Variants in THTPA observed in about 807,000 individuals in gnomAD.
The protein encoded by THTPA is thiamine-triphosphatase.
Under a neutral mutation model 16.5 loss-of-function variants are expected in THTPA, and 16 were observed. The observed-to-expected ratio is 0.97, with a 90% CI of 0.66 to 1.47. The LOEUF (loss-of-function observed/expected upper bound fraction) is 1.47, where lower values mean the gene tolerates loss of function less well. Ranked by LOEUF, THTPA falls within the 40% of genes most tolerant of loss-of-function variation. The probability of loss-of-function intolerance (pLI) is 0.00; values close to 1 mark genes in which losing one functional copy is unlikely to be tolerated. For synonymous variants in THTPA, 110 were observed against 115.5 expected, an observed-to-expected ratio of 0.95 and a Z score of 0.30; for missense variants, 281 against 280.9, an observed-to-expected ratio of 1.00 and a Z score of 0.00.
chr14:23,552,883 T>C (rs1882081841), upstream of THTPA, among the ~76,000 whole-genome samples: 1 of 152,164 alleles, frequency 6.6e-6, no homozygotes, highest in Admixed American at 6.5e-5. Flanking sequence ...ATTATAGGGG[T>C]GATCCACCTC....
chr14:23,549,653 G>C, the THTPA span, among the ~76,000 whole-genome samples: 1 of 152,184 alleles, frequency 6.6e-6, no homozygotes, highest in Non-Finnish European at 1.5e-5. Context: ...TGAAGGATGG[G>C]GGGCAACCAG....
chr14:23,551,887 C>G (rs921461590), upstream of THTPA, among the ~76,000 whole-genome samples: 1 of 152,164 alleles, frequency 6.6e-6, no homozygotes, highest in Non-Finnish European at 1.5e-5. The surrounding 1 kb of genome is among the most constrained non-coding windows in gnomAD (Gnocchi z 5.3). Flanking sequence ...GACCCAGGGC[C>G]GGGGGCAGGC....
chr14:23,536,043 A>G, the THTPA span, among the ~76,000 whole-genome samples: 10 of 152,182 alleles, frequency 6.6e-5, no homozygotes, highest in Admixed American at 2.0e-4. Context: ...AGCAACTTCT[A>G]AAACATGTCA....
chr14:23,549,214 G>C, the THTPA span, among the ~76,000 whole-genome samples: 1 of 151,830 alleles, frequency 6.6e-6, no homozygotes, highest in South Asian at 2.1e-4. Flanking sequence ...ATCACCCCTT[G>C]GTTCCTCCCC....
the THTPA span, among the ~76,000 whole-genome samples, chr14:23,520,337 G>C: frequency 6.6e-6 from 1 of 151,912 alleles, no homozygotes; most frequent in Non-Finnish European, 1.5e-5. The surrounding 1 kb of genome is among the most constrained non-coding windows in gnomAD (Gnocchi z 8.7). Context: ...AGAGGACAAG[G>C]GGGAAGAAAA....
At chr14:23,542,482 G>A in the THTPA span, among the ~76,000 whole-genome samples, 1 of 152,220 alleles carries the variant, frequency 6.6e-6, no homozygotes, top group African/African-American at 2.4e-5. Flanking sequence ...AGTGTTGGAT[G>A]TGTTAGGACA....
the THTPA span, among the ~76,000 whole-genome samples, chr14:23,519,239 C>G: frequency 6.6e-6 from 1 of 152,164 alleles, no homozygotes; most frequent in East Asian, 1.9e-4. Context: ...CCTTAAGATA[C>G]AGCACACCAC....
chr14:23,523,281 G>C, the THTPA span: 8 of 1,438,444 alleles, frequency 5.6e-6, no homozygotes, highest in Non-Finnish European at 7.3e-6. The surrounding 1 kb of genome is among the most constrained non-coding windows in gnomAD (Gnocchi z 4.1). Context: ...GCCAGGCGAG[G>C]CAAGGTTGGG....
chr14:23,531,664 G>A, the THTPA span: 30 of 1,496,506 alleles, frequency 2.0e-5, no homozygotes, highest in African/African-American at 4.1e-4. Flanking sequence ...GCACACAACA[G>A]GCAGTGGTAT....
Position 23,560,179 on chromosome 14 carries a change from C to G in THTPA, c.*1339C>G, listed in dbSNP as rs1166515369. 1 of 1,560,178 alleles carries G rather than the reference C, an allele frequency of 6.4e-7. No individual in the cohort carries two copies. ...GACTCAATCCCATCTCACACTGTCT[C>G]CCACCCACCTCCTCCACTTAGTGGC... is the stretch of plus-strand genomic sequence containing the variant. On this transcript the variant is annotated 3_prime_UTR_variant, in exon 2 of 2. Transcript: ENST00000288014.
the THTPA span, chr14:23,523,827 C>G: frequency 6.5e-7 from 1 of 1,536,232 alleles, no homozygotes; most frequent in Non-Finnish European, 8.7e-7. The surrounding 1 kb of genome is among the most constrained non-coding windows in gnomAD (Gnocchi z 4.1). Context: ...TCTGGTTCAG[C>G]TAGGCTGGAA....
the THTPA span, chr14:23,512,977 G>GAGAGAA: frequency 6.6e-6 from 1 of 151,996 alleles, no homozygotes; most frequent in Non-Finnish European, 1.5e-5. Context: ...GAAGGAGAGA[G>GAGAGAA]AGAGAAAAAG....
chr14:23,538,475 GT>G, the THTPA span, among the ~76,000 whole-genome samples: 6 of 151,316 alleles, frequency 4.0e-5, no homozygotes, highest in Admixed American at 1.3e-4. Context: ...GAATCGCTAG[GT>G]CCCTTTCTTT....
At chr14:23,530,157 G>C in the THTPA span, 1 of 1,536,088 alleles carries the variant, frequency 6.5e-7, no homozygotes, top group African/African-American at 1.4e-5. Flanking sequence ...CTTTCTCAGG[G>C]GTGGGTGGCT....
chr14:23,523,486 A>G, the THTPA span: 3 of 1,536,168 alleles, frequency 2.0e-6, no homozygotes, highest in Non-Finnish European at 2.6e-6. The surrounding 1 kb of genome is among the most constrained non-coding windows in gnomAD (Gnocchi z 4.1). Context: ...CATACTTGAC[A>G]TCACAATAGG....
chr14:23,528,633 C>G, the THTPA span: 31 of 985,336 alleles, frequency 3.1e-5, no homozygotes, highest in Non-Finnish European at 3.7e-5. Flanking sequence ...CCCTACCTGT[C>G]TGCTCAGAAG....
chr14:23,554,127 G>A (rs947553836), upstream of THTPA, among the ~76,000 whole-genome samples: 11 of 151,976 alleles, frequency 7.2e-5, no homozygotes, highest in South Asian at 2.1e-4. Context: ...GTGAAGCTGG[G>A]AGTCGACCTC....
In THTPA at chr14:23,558,056, T is replaced by C. The variant is rs528120685; in HGVS notation, c.548-639T>C. ...TCCCTTGTAGACAGTTCATCCACAC[T>C]AGGAATTGTGCATCCCATGGGGCCT... On this transcript the variant is annotated intron_variant, in intron 1 of 1. Transcript: ENST00000288014. Among the ~76,000 whole-genome samples, 5 of 152,386 alleles carry C rather than the reference T, an allele frequency of 3.3e-5. No homozygotes were observed. In the South Asian group the frequency reaches 1.0e-3, roughly 32 times the overall value.
the THTPA span, among the ~76,000 whole-genome samples, chr14:23,518,567 ACT>A: frequency 6.6e-6 from 1 of 152,116 alleles, no homozygotes; most frequent in Non-Finnish European, 1.5e-5. This position sits in a 1 kb window ranked among gnomAD's most constrained non-coding sequence, Gnocchi z 4.5. Context: ...CCTCACACAG[ACT>A]CTGGTTTAGA....
Sources: allele counts gnomAD v4.1 joint callset (sites outside exome capture counted in the v4.1 genomes callset), GRCh38; gene constraint gnomAD v4.1.1; non-coding constraint Gnocchi (gnomAD v3.1); transcripts MANE v1.5; gene names NCBI Gene and HGNC (gene_info 2026-07-23, HGNC 2026-07-21).